Variants in LOC128092253 observed in about 807,000 individuals in gnomAD.
At chr6:133,961,263 G>C in the LOC128092253 span, among the ~76,000 whole-genome samples, 1 of 152,040 alleles carries the variant, frequency 6.6e-6, no homozygotes, top group Admixed American at 6.6e-5. Flanking sequence ...CCAAATGCCA[G>C]CAATTCAGCC....
At chr6:133,975,987 G>A in the LOC128092253 span, among the ~76,000 whole-genome samples, 1 of 152,116 alleles carries the variant, frequency 6.6e-6, no homozygotes, top group Non-Finnish European at 1.5e-5. Context: ...TTCAAATGCT[G>A]TATTTTTGGT....
At chr6:133,966,965 T>A in the LOC128092253 span, among the ~76,000 whole-genome samples, 4 of 152,244 alleles carry the variant, frequency 2.6e-5, no homozygotes, top group Non-Finnish European at 4.4e-5. Flanking sequence ...TTGCTTCTTT[T>A]TTAGCTAACC....
chr6:133,974,816 T>C, the LOC128092253 span, among the ~76,000 whole-genome samples: 1 of 152,248 alleles, frequency 6.6e-6, no homozygotes, highest in Non-Finnish European at 1.5e-5. Flanking sequence ...TGTCATCTTA[T>C]TCTTTTAAGT....
the LOC128092253 span, among the ~76,000 whole-genome samples, chr6:133,971,764 T>C: frequency 6.6e-6 from 1 of 152,186 alleles, no homozygotes; most frequent in South Asian, 2.1e-4. Flanking sequence ...GTGTTTTGCT[T>C]ATTTTTTAAT....
chr6:133,963,878 A>C, the LOC128092253 span, among the ~76,000 whole-genome samples: 395 of 151,378 alleles, frequency 2.6e-3, 2 homozygotes, highest in South Asian at 0.023. Flanking sequence ...AAAATACAAA[A>C]AAAAAAAAAA....
At chr6:133,978,491 GC>G in the LOC128092253 span, among the ~76,000 whole-genome samples, 3 of 152,268 alleles carry the variant, frequency 2.0e-5, no homozygotes, top group South Asian at 6.2e-4. Context: ...CTGGCCCTGT[GC>G]CTCTGCTTTT....
chr6:133,963,030 G>A, the LOC128092253 span, among the ~76,000 whole-genome samples: 5 of 152,174 alleles, frequency 3.3e-5, no homozygotes, highest in African/African-American at 1.2e-4. Context: ...AGAGTAGGAG[G>A]GAGTTTAAAG....
chr6:133,956,609 T>G, the LOC128092253 span, among the ~76,000 whole-genome samples: 1 of 152,234 alleles, frequency 6.6e-6, no homozygotes, highest in Non-Finnish European at 1.5e-5. Context: ...TTTTGAAGAT[T>G]ACGTTGTTAA....
At chr6:133,967,723 A>T in the LOC128092253 span, among the ~76,000 whole-genome samples, 1 of 152,194 alleles carries the variant, frequency 6.6e-6, no homozygotes, top group Admixed American at 6.5e-5. Context: ...TTATAATATT[A>T]TGGACCCCTG....
chr6:133,966,940 A>G, the LOC128092253 span, among the ~76,000 whole-genome samples: 16 of 152,190 alleles, frequency 1.1e-4, no homozygotes, highest in African/African-American at 3.1e-4. Context: ...TAATGCAAAT[A>G]CGTGATGTCA....
At chr6:133,978,194 G>A in the LOC128092253 span, among the ~76,000 whole-genome samples, 1 of 152,122 alleles carries the variant, frequency 6.6e-6, no homozygotes, top group African/African-American at 2.4e-5. Context: ...TCAGTAACTG[G>A]GCTCTAATGT....
the LOC128092253 span, among the ~76,000 whole-genome samples, chr6:133,967,226 C>T: frequency 3.3e-5 from 5 of 152,162 alleles, no homozygotes; most frequent in Non-Finnish European, 7.3e-5. Context: ...ATTTCCAGTT[C>T]ATTGTTATAG....
chr6:133,960,133 T>G, the LOC128092253 span, among the ~76,000 whole-genome samples: 1 of 152,308 alleles, frequency 6.6e-6, no homozygotes, highest in African/African-American at 2.4e-5. Flanking sequence ...ATACCTTAAT[T>G]GCTTGTGGGT....
chr6:133,967,742 C>T, the LOC128092253 span, among the ~76,000 whole-genome samples: 1 of 152,186 alleles, frequency 6.6e-6, no homozygotes, highest in Non-Finnish European at 1.5e-5. Context: ...TGGACCAAAA[C>T]ATTGTTAGGC....
At chr6:133,977,813 C>T in the LOC128092253 span, among the ~76,000 whole-genome samples, 39 of 152,206 alleles carry the variant, frequency 2.6e-4, no homozygotes, top group African/African-American at 8.9e-4. Flanking sequence ...GTTCTACCAT[C>T]CTCATCCTCA....
chr6:133,960,046 A>G, the LOC128092253 span, among the ~76,000 whole-genome samples: 2 of 152,156 alleles, frequency 1.3e-5, no homozygotes, highest in South Asian at 2.1e-4. Context: ...CCTCTCACCT[A>G]CTTATGGCTG....
At chr6:133,960,232 A>G in the LOC128092253 span, among the ~76,000 whole-genome samples, 18 of 152,214 alleles carry the variant, frequency 1.2e-4, no homozygotes, top group Non-Finnish European at 2.4e-4. Flanking sequence ...TGACTAATTC[A>G]TTAGACCTTC....
At chr6:133,958,408 T>G in the LOC128092253 span, among the ~76,000 whole-genome samples, 1 of 152,204 alleles carries the variant, frequency 6.6e-6, no homozygotes, top group Non-Finnish European at 1.5e-5. Flanking sequence ...TTTTTGTAAT[T>G]TTAGAAGTAG....
chr6:133,965,924 A>G, the LOC128092253 span, among the ~76,000 whole-genome samples: 3 of 152,226 alleles, frequency 2.0e-5, no homozygotes, highest in African/African-American at 7.2e-5. Context: ...TCACAACACT[A>G]TGATGGGTTC....
Sources: gnomAD v4.1 joint callset for allele counts (sites outside exome capture counted in the v4.1 genomes callset) on GRCh38, gnomAD v4.1.1 for gene constraint, MANE v1.5 for transcripts.